Variants in KCNN2 observed in about 807,000 individuals in gnomAD.
KCNN2 encodes the protein small conductance calcium-activated potassium channel protein 2.
In KCNN2, 24 loss-of-function variants were observed where a neutral mutation model predicts 55.5. The ratio of observed to expected loss-of-function variants is 0.43; its 90% CI spans 0.31 to 0.61. KCNN2 has a LOEUF of 0.61. Among genes scored for constraint, KCNN2 ranks in the 20% least tolerant of loss-of-function variants. The pLI is 0.08. For missense variants in KCNN2, 754 were observed against 853.6 expected, an observed-to-expected ratio of 0.88 and a Z score of 1.45; for synonymous variants, 431 against 336.1, an observed-to-expected ratio of 1.28 and a Z score of -3.09.
intron 4 of KCNN2, among the ~76,000 whole-genome samples, chr5:114,471,317 A>G (rs1419561826): frequency 5.0e-5 from 1 of 19,882 alleles, no homozygotes; most frequent in African/African-American, 5.4e-5. Flanking sequence ...TAATCTCTAG[A>G]TTACTTATAA....
chr5:114,179,137 A>G (rs753317316), intron 1 of KCNN2, among the ~76,000 whole-genome samples: 4 of 152,182 alleles, frequency 2.6e-5, no homozygotes, highest in Non-Finnish European at 4.4e-5. Context: ...ATTATCTCAC[A>G]GTTCTTGATG....
intron 2 of KCNN2, among the ~76,000 whole-genome samples, chr5:114,256,026 G>C (rs779409977): frequency 6.6e-6 from 1 of 151,926 alleles, no homozygotes; most frequent in Non-Finnish European, 1.5e-5. Context: ...TGAGTCTCCA[G>C]TGTCTATTAT....
rs551180700 is a variant in KCNN2 at position 114,394,095 on chromosome 5, G to A, written c.1219-10343G>A. On this transcript the variant is annotated intron_variant, in intron 2 of 7. Transcript: ENST00000673685. ...ATAACCTGATAAATTGCTCTCCTCC[G>A]ATTGTACCAATTTACACTTCTGCCT... Among the ~76,000 whole-genome samples the A allele has an allele frequency of 7.9e-5, 12 of 152,168 alleles. No individual in the cohort carries two copies. The South Asian group carries it at 8.3e-4, about 11-fold the overall frequency.
chr5:114,120,891 A>G (rs1417780528), intron 1 of KCNN2, among the ~76,000 whole-genome samples: 1 of 152,216 alleles, frequency 6.6e-6, no homozygotes, highest in African/African-American at 2.4e-5. Flanking sequence ...TATGATCCTG[A>G]GCATGGCATA....
chr5:114,272,083 G>T (rs925028098), intron 2 of KCNN2, among the ~76,000 whole-genome samples: 3 of 152,016 alleles, frequency 2.0e-5, no homozygotes, highest in Admixed American at 6.6e-5. Flanking sequence ...GTTTTATAAT[G>T]CTTATGATAA....
chr5:114,353,273 T>C (rs932544539), intron 2 of KCNN2, among the ~76,000 whole-genome samples: 1 of 151,844 alleles, frequency 6.6e-6, no homozygotes, highest in Admixed American at 6.6e-5. Flanking sequence ...GAACTTGTTA[T>C]ACTAACCTAT....
At chr5:114,420,375 C>G (rs1217752918) in intron 3 of KCNN2, among the ~76,000 whole-genome samples, 2 of 152,214 alleles carry the variant, frequency 1.3e-5, no homozygotes, top group Non-Finnish European at 2.9e-5. Context: ...TTTATTGCTA[C>G]TGTTTAGTGG....
chr5:114,153,351 T>A (rs535797074), intron 1 of KCNN2, among the ~76,000 whole-genome samples: 1 of 152,128 alleles, frequency 6.6e-6, no homozygotes, highest in South Asian at 2.1e-4. Context: ...AATCAACATA[T>A]TTTCCTGCCC....
chr5:114,449,569 A>G (rs140775371), intron 3 of KCNN2, among the ~76,000 whole-genome samples: 1 of 152,286 alleles, frequency 6.6e-6, no homozygotes, highest in East Asian at 1.9e-4. Context: ...AGGCTCAGAC[A>G]TTAGGATGCA....
intron 2 of KCNN2, among the ~76,000 whole-genome samples, chr5:114,364,840 C>T (rs1757554901): frequency 1.3e-5 from 2 of 151,170 alleles, no homozygotes; most frequent in African/African-American, 4.9e-5. Flanking sequence ...GTGGGAGGCG[C>T]GGTGGCTCAG....
chr5:114,133,498 G>A (rs891303075), intron 1 of KCNN2, among the ~76,000 whole-genome samples: 1 of 152,082 alleles, frequency 6.6e-6, no homozygotes, highest in African/African-American at 2.4e-5. Context: ...GTGTTACCTG[G>A]GCCATTAATC....
intron 1 of KCNN2, among the ~76,000 whole-genome samples, chr5:114,154,711 G>T (rs749849281): frequency 9.2e-5 from 14 of 152,022 alleles, no homozygotes; most frequent in Non-Finnish European, 1.6e-4. Context: ...CTTTGAGCTG[G>T]TCAACCATCT....
chr5:114,346,856 A>T (rs533697874), intron 2 of KCNN2, among the ~76,000 whole-genome samples: 2 of 152,100 alleles, frequency 1.3e-5, no homozygotes, highest in Non-Finnish European at 2.9e-5. Flanking sequence ...TAAGCCTCGA[A>T]CATCTTGTGA....
At chr5:114,363,356 C>A in intron 1 of KCNN2, 95 bp downstream of exon 1, 1 of 1,392,808 alleles carries the variant, frequency 7.2e-7, no homozygotes, top group Non-Finnish European at 9.5e-7. Context: ...GATCCCTAGC[C>A]TCTCCGGGAC....
chr5:114,297,821 T>A (rs1344438132), intron 2 of KCNN2, among the ~76,000 whole-genome samples: 1 of 152,172 alleles, frequency 6.6e-6, no homozygotes, highest in Admixed American at 6.5e-5. Flanking sequence ...ATGTATTACA[T>A]AACAAGTTTA....
At chr5:114,433,704 A>ACG in intron 3 of KCNN2, 1 of 152,428 alleles carries the variant, frequency 6.6e-6, no homozygotes, top group African/African-American at 2.4e-5. Flanking sequence ...ACAACTCCAG[A>ACG]TGCACCGCCT....
intron 3 of KCNN2, among the ~76,000 whole-genome samples, chr5:114,415,161 T>A (rs1280110182): frequency 6.6e-6 from 1 of 152,250 alleles, no homozygotes; most frequent in Non-Finnish European, 1.5e-5. Flanking sequence ...TGTTCCTTTT[T>A]ATTGATGAAT....
At chr5:114,092,940 C>A (rs1751175785) in intron 1 of KCNN2, among the ~76,000 whole-genome samples, 1 of 152,152 alleles carries the variant, frequency 6.6e-6, no homozygotes, top group Admixed American at 6.5e-5. Flanking sequence ...CTCTGACATG[C>A]CTTAGAGACA....
intron 1 of KCNN2, among the ~76,000 whole-genome samples, chr5:114,187,539 T>C (rs1753360652): frequency 7.1e-6 from 1 of 141,706 alleles, no homozygotes; most frequent in Non-Finnish European, 1.5e-5. Context: ...GAAGTCTTAC[T>C]CTGTCACCTA....
Sources: allele counts gnomAD v4.1 joint callset (sites outside exome capture counted in the v4.1 genomes callset), GRCh38; gene constraint gnomAD v4.1.1; transcripts MANE v1.5; gene names NCBI Gene and HGNC (gene_info 2026-07-23, HGNC 2026-07-21).